Variants in RBFOX1 observed in about 807,000 individuals in gnomAD.
RBFOX1 encodes RNA binding fox-1 homolog 1, also known as RNA binding protein fox-1 homolog 1.
In RBFOX1, 8 loss-of-function variants were observed where a neutral mutation model predicts 57.7. The ratio of observed to expected loss-of-function variants is 0.14; its 90% CI spans 0.08 to 0.25. The LOEUF (loss-of-function observed/expected upper bound fraction) is 0.25. Ranked by LOEUF, RBFOX1 falls within the 10% of genes least tolerant of loss-of-function variation. The pLI, the probability that RBFOX1 is intolerant of heterozygous loss-of-function variation, is 1.00. For synonymous variants in RBFOX1, 326 were observed against 222.4 expected, an observed-to-expected ratio of 1.47 and a Z score of -4.15; for missense variants, 611 against 548.5, an observed-to-expected ratio of 1.11 and a Z score of -1.14.
At chr16:7,433,931 T>G (rs1213938102) in intron 4 of RBFOX1, among the ~76,000 whole-genome samples, 1 of 152,210 alleles carries the variant, frequency 6.6e-6, no homozygotes, top group Admixed American at 6.5e-5. Context: ...ATAGGTATGT[T>G]AGACAATTCA....
intron 3 of RBFOX1, among the ~76,000 whole-genome samples, chr16:5,847,498 G>A (rs57144248): frequency 0.015 from 2,344 of 152,240 alleles, 53 homozygotes; most frequent in East Asian, 0.057. Flanking sequence ...AAAGAAAAAC[G>A]AGGTGGACAT....
intron 4 of RBFOX1, among the ~76,000 whole-genome samples, chr16:5,882,606 T>C (rs7203658): frequency 0.39 from 59,403 of 151,820 alleles, 12,032 homozygotes; most frequent in African/African-American, 0.49. Flanking sequence ...ACAGCAAGAG[T>C]GAAACTAGGG....
rs145731984 is a variant in RBFOX1, at chr16:6,925,604, A to G, written c.-15-126453A>G. ...GTTGGTGGCATAGAGGAGGCAATCC[A>G]TAAATATTTGGGGGCATCAGTAAAT... On this transcript the variant is annotated intron_variant, in intron 3 of 15. Coordinates refer to ENST00000550418, the MANE Select transcript of RBFOX1 (RefSeq NM_018723.4). Among the ~76,000 whole-genome samples the G allele has an allele frequency of 1.2e-3, 182 of 152,188 alleles. 1 individual carries two copies. The highest frequency in any genetic ancestry group is 3.9e-3 in the African/African-American group (164 of 41,526).
intron 1 of RBFOX1, among the ~76,000 whole-genome samples, chr16:6,054,019 A>G (rs1301931601): frequency 6.6e-6 from 1 of 152,202 alleles, no homozygotes; most frequent in Non-Finnish European, 1.5e-5. Flanking sequence ...ACTGTACTCC[A>G]GCCTGCGCAA....
rs2095278724 is a variant in RBFOX1, at chr16:7,270,019, G to C, written c.27+217921G>C. 2.0e-5 allele frequency among the ~76,000 whole-genome samples: 3 copies of C among 152,276 alleles called. No individual in the cohort carries two copies. The East Asian group carries it at 5.8e-4, about 29-fold the overall frequency. On this transcript the variant is annotated intron_variant, in intron 4 of 15. Transcript: ENST00000550418. ...CATCTTGTCTGTTTCGTAATGCCAA[G>C]AGTAAACACATATCATGCTCTTAAC...
intron 9 of RBFOX1, among the ~76,000 whole-genome samples, chr16:7,599,560 T>C (rs976579712): frequency 9.9e-5 from 15 of 151,412 alleles, no homozygotes; most frequent in African/African-American, 3.7e-4. Context: ...ACAAATGAAG[T>C]CCTATAAAGA....
At chr16:7,456,889 C>T (rs964102327) in intron 4 of RBFOX1, among the ~76,000 whole-genome samples, 1 of 132,424 alleles carries the variant, frequency 7.6e-6, no homozygotes. Flanking sequence ...GGAAGGTGTA[C>T]TTTTTTTCTT....
chr16:7,159,898 A>C (rs1005081542), intron 4 of RBFOX1, among the ~76,000 whole-genome samples: 1 of 152,200 alleles, frequency 6.6e-6, no homozygotes, highest in Non-Finnish European at 1.5e-5. Flanking sequence ...AATTATTGCT[A>C]ATATAGGCAC....
intron 2 of RBFOX1, among the ~76,000 whole-genome samples, chr16:6,380,267 C>T (rs1429561373): frequency 6.6e-6 from 1 of 152,004 alleles, no homozygotes; most frequent in Non-Finnish European, 1.5e-5. Context: ...GTGAAGAAAA[C>T]AATCCAATGG....
chr16:7,525,873 G>A (rs543660485), intron 5 of RBFOX1, among the ~76,000 whole-genome samples: 15 of 152,228 alleles, frequency 9.9e-5, no homozygotes, highest in South Asian at 4.1e-4. Flanking sequence ...AGTTGAGGTC[G>A]TCACCCACAT....
chr16:6,907,888 G>C lies in RBFOX1; in HGVS notation c.-15-144169G>C, dbSNP rs1467110769. On this transcript the variant is annotated intron_variant, in intron 3 of 15. Transcript: ENST00000550418. ...CATGCCCGGCCAGCTTCTGTGGTTG[G>C]CTGGCAGTCATGGGTGCTCCTTGCT... Among the ~76,000 whole-genome samples the C allele has an allele frequency of 2.0e-5, 3 of 151,740 alleles. No homozygotes were observed. The East Asian group carries it at 5.8e-4, about 30-fold the overall frequency.
At chr16:7,400,578 T>C (rs1946847021) in intron 4 of RBFOX1, among the ~76,000 whole-genome samples, 1 of 152,154 alleles carries the variant, frequency 6.6e-6, no homozygotes, top group South Asian at 2.1e-4. Context: ...TATTACCATC[T>C]CCCAGCAAGA....
chr16:7,328,315 A>C (rs2096639054), intron 4 of RBFOX1, among the ~76,000 whole-genome samples: 1 of 151,960 alleles, frequency 6.6e-6, no homozygotes, highest in Admixed American at 6.6e-5. Context: ...CCCTGTCTCT[A>C]CTAAAAATAC....
intron 1 of RBFOX1, among the ~76,000 whole-genome samples, chr16:6,307,200 T>G (rs919586117): frequency 1.3e-5 from 2 of 152,256 alleles, no homozygotes; most frequent in African/African-American, 4.8e-5. Context: ...TGGTTGTGCT[T>G]AGAGAGACTT....
chr16:7,332,838 G>C, intron 4 of RBFOX1: 1 of 1,442,894 alleles, frequency 6.9e-7, no homozygotes, highest in Non-Finnish European at 9.1e-7. Flanking sequence ...TTGCTGATGC[G>C]GATTTTCTTT....
At chr16:5,820,671 G>A (rs1025001081) in intron 3 of RBFOX1, among the ~76,000 whole-genome samples, 3 of 152,178 alleles carry the variant, frequency 2.0e-5, no homozygotes, top group African/African-American at 7.2e-5. Context: ...TTCCTCTGAA[G>A]TGCGTCACAG....
chr16:7,447,806 A>T (rs1485530659), intron 4 of RBFOX1, among the ~76,000 whole-genome samples: 4 of 152,240 alleles, frequency 2.6e-5, no homozygotes, highest in Non-Finnish European at 5.9e-5. Flanking sequence ...TGTTATGGGA[A>T]AGCAGGAGTG....
At chr16:7,259,253 C>T (rs551923211) in intron 4 of RBFOX1, among the ~76,000 whole-genome samples, 1 of 152,168 alleles carries the variant, frequency 6.6e-6, no homozygotes, top group Non-Finnish European at 1.5e-5. Flanking sequence ...GGAAGGAAGG[C>T]TTTCGCTAGT....
At chr16:7,548,652 A>T (rs1028938495) in intron 5 of RBFOX1, among the ~76,000 whole-genome samples, 3 of 152,176 alleles carry the variant, frequency 2.0e-5, no homozygotes, top group Admixed American at 6.5e-5. Context: ...CAGTCAAACA[A>T]GTCCAAAGCT....
Sources: allele counts gnomAD v4.1 joint callset (sites outside exome capture counted in the v4.1 genomes callset), GRCh38; gene constraint gnomAD v4.1.1; transcripts MANE v1.5; gene names NCBI Gene and HGNC (gene_info 2026-07-23, HGNC 2026-07-21).